The following CFDP1 variants were observed in gnomAD, a reference collection of about 807,000 sequenced individuals.
CFDP1 encodes heterochromatin-stabilizing protein CFDP1.
CFDP1 carries 31 observed loss-of-function variants against 40.1 expected under a neutral mutation model. The observed-to-expected ratio is 0.77, with a 90% confidence interval of 0.58 to 1.04. CFDP1 has a LOEUF of 1.04. Ranked by LOEUF, CFDP1 falls within the 50% of genes least tolerant of loss-of-function variation. The pLI is 0.00. For synonymous variants in CFDP1, 167 were observed against 120.0 expected (o/e 1.39, Z -2.56); for missense variants, 423 against 343.4 (o/e 1.23, Z -1.83).
intron 1 of CFDP1, among the ~76,000 whole-genome samples, chr16:75,426,478 G>C (rs1453236958): frequency 6.6e-6 from 1 of 151,820 alleles, no homozygotes; most frequent in Non-Finnish European, 1.5e-5. Flanking sequence ...ACCCATAATA[G>C]AAAAATTTGA....
chr16:75,356,745 A>T (rs557325916), intron 5 of CFDP1, among the ~76,000 whole-genome samples: 4 of 152,296 alleles, frequency 2.6e-5, no homozygotes, highest in African/African-American at 7.2e-5. Flanking sequence ...ATAAGAAGAA[A>T]GAAAAAAGAA....
chr16:75,303,442 AAC>A (rs2078236593), intron 6 of CFDP1, among the ~76,000 whole-genome samples: 1 of 80,408 alleles, frequency 1.2e-5, no homozygotes, highest in African/African-American at 3.3e-5. Context: ...GGGAAAAAAA[AAC>A]CATACTGGTC....
intron 5 of CFDP1, among the ~76,000 whole-genome samples, chr16:75,388,123 A>G (rs989497011): frequency 6.6e-6 from 1 of 152,196 alleles, no homozygotes; most frequent in Non-Finnish European, 1.5e-5. Context: ...AGTTCGACCA[A>G]TCATCAACTA....
chr16:75,367,136 C>T (rs149537064), intron 5 of CFDP1, among the ~76,000 whole-genome samples: 78 of 145,700 alleles, frequency 5.4e-4, no homozygotes, highest in African/African-American at 1.9e-3. Context: ...TGCATTCCAG[C>T]CTGAGTGACA....
At chr16:75,419,971 T>C (rs2079258576) in intron 1 of CFDP1, among the ~76,000 whole-genome samples, 1 of 152,060 alleles carries the variant, frequency 6.6e-6, no homozygotes, top group Non-Finnish European at 1.5e-5. Flanking sequence ...GAATTCTTTC[T>C]TGTTCGAGAT....
intron 5 of CFDP1, among the ~76,000 whole-genome samples, chr16:75,317,600 TACAA>T (rs781768385): frequency 7.9e-5 from 12 of 152,328 alleles, no homozygotes; most frequent in African/African-American, 1.4e-4. Context: ...TATTGACCAA[TACAA>T]ACAGACAATT....
chr16:75,322,530 G>T (rs1452156406), intron 5 of CFDP1, among the ~76,000 whole-genome samples: 1 of 152,158 alleles, frequency 6.6e-6, no homozygotes, highest in African/African-American at 2.4e-5. Flanking sequence ...ACTGTACTAA[G>T]TACTGTAGGC....
chr16:75,384,324 G>A (rs989182594), intron 5 of CFDP1, among the ~76,000 whole-genome samples: 2 of 152,080 alleles, frequency 1.3e-5, no homozygotes, highest in African/African-American at 4.8e-5. Context: ...TAGCACCACT[G>A]CACTCTAGCC....
intron 5 of CFDP1, among the ~76,000 whole-genome samples, chr16:75,371,977 T>C (rs1236202504): frequency 6.6e-6 from 1 of 152,214 alleles, no homozygotes; most frequent in Non-Finnish European, 1.5e-5. Context: ...TGCCAGGAAC[T>C]GTAGTGACAC....
chr16:75,433,167 C>T, intron 1 of CFDP1, 122 bp downstream of exon 1: 1 of 878,272 alleles, frequency 1.1e-6, no homozygotes, highest in East Asian at 2.7e-5. Flanking sequence ...AGCGGACGCT[C>T]GAGAACAGGA....
At chr16:75,355,007 C>G (rs553995739) in intron 5 of CFDP1, among the ~76,000 whole-genome samples, 1 of 152,302 alleles carries the variant, frequency 6.6e-6, no homozygotes, top group African/African-American at 2.4e-5. Context: ...TTTTGGTTTC[C>G]TAGTGTATAT....
chr16:75,323,983 T>C (rs1456137861), intron 5 of CFDP1, among the ~76,000 whole-genome samples: 2 of 152,334 alleles, frequency 1.3e-5, no homozygotes, highest in African/African-American at 4.8e-5. Context: ...AAAATGAAGA[T>C]AATAAGAACT....
At chr16:75,351,634 G>A (rs925803446) in intron 5 of CFDP1, among the ~76,000 whole-genome samples, 10 of 152,136 alleles carry the variant, frequency 6.6e-5, no homozygotes, top group African/African-American at 9.7e-5. Context: ...CTATGGAGGA[G>A]GTTAGTGTAC....
At chr16:75,382,912 G>C (rs1428817451) in intron 5 of CFDP1, among the ~76,000 whole-genome samples, 1 of 152,180 alleles carries the variant, frequency 6.6e-6, no homozygotes, top group Admixed American at 6.5e-5. Context: ...GTTTAAAGCA[G>C]AAGCCAATGC....
chr16:75,350,965 T>C (rs2078606434), intron 5 of CFDP1, among the ~76,000 whole-genome samples: 1 of 152,046 alleles, frequency 6.6e-6, no homozygotes, highest in Admixed American at 6.5e-5. Flanking sequence ...AATTTGACTA[T>C]ACATTTCTAG....
chr16:75,428,874 T>A (rs1226378526), intron 1 of CFDP1, among the ~76,000 whole-genome samples: 1 of 151,986 alleles, frequency 6.6e-6, no homozygotes, highest in Non-Finnish European at 1.5e-5. Flanking sequence ...CCCAGCACTT[T>A]GGGAGGCCGA....
At chr16:75,310,374 T>A (rs1475632164) in intron 5 of CFDP1, among the ~76,000 whole-genome samples, 1 of 152,054 alleles carries the variant, frequency 6.6e-6, no homozygotes, top group African/African-American at 2.4e-5. Context: ...CCAAGACCTA[T>A]CATAACACCA....
At chr16:75,350,086 T>C (rs12921808) in intron 5 of CFDP1, among the ~76,000 whole-genome samples, 49,962 of 151,970 alleles carry the variant, frequency 0.33, 9,386 homozygotes, top group African/African-American at 0.51. Flanking sequence ...TACTCTGTTC[T>C]TTTTTATAGC....
intron 1 of CFDP1, among the ~76,000 whole-genome samples, chr16:75,430,186 T>C (rs1485490235): frequency 2.4e-5 from 1 of 41,786 alleles, no homozygotes; most frequent in African/African-American, 4.7e-5. Flanking sequence ...TGTTTGTTTT[T>C]TCGAGATGGA....
Sources: allele counts gnomAD v4.1 joint callset (sites outside exome capture counted in the v4.1 genomes callset), GRCh38; gene constraint gnomAD v4.1.1; transcripts MANE v1.5; gene names NCBI Gene and HGNC (gene_info 2026-07-23, HGNC 2026-07-21).